The following MIIP variants were observed in gnomAD, a reference collection of about 807,000 sequenced individuals.
MIIP encodes the protein migration and invasion-inhibitory protein.
A neutral mutation model predicts 44.8 loss-of-function variants in MIIP; 44 were observed. That is an observed-to-expected ratio of 0.98 (90% CI 0.77 to 1.26). The LOEUF is 1.26. Ranked by LOEUF, MIIP falls within the 50% of genes most tolerant of loss-of-function variation. The probability of loss-of-function intolerance (pLI) is 0.00; values close to 1 mark genes in which losing one functional copy is unlikely to be tolerated. For missense variants in MIIP, 496 were observed against 511.7 expected, an observed-to-expected ratio of 0.97 and a Z score of 0.30; for synonymous variants, 225 against 218.3, an observed-to-expected ratio of 1.03 and a Z score of -0.27.
At chr1:12,029,402 A>G in intron 6 of MIIP, 121 bp downstream of exon 6, 1 of 1,127,984 alleles carries the variant, frequency 8.9e-7, no homozygotes, top group Non-Finnish European at 1.3e-6. Flanking sequence ...AGATGTTGAG[A>G]CTCATGGAGG....
chr1:12,031,206 T>C, intron 8 of MIIP, 60 bp from the exon 9 acceptor site: 1 of 1,559,580 alleles, frequency 6.4e-7, no homozygotes, highest in Non-Finnish European at 8.7e-7. Flanking sequence ...GATGGGGGTG[T>C]GCCCAGTCAG....
rs1217877601 is a variant in MIIP, at chr1:12,019,552, G to GGTGA, written c.-83+4_-83+7dup. On this transcript the variant is annotated splice_region_variant and 5_prime_UTR_variant. It removes the in-frame stop codon of an upstream open reading frame in the 5' UTR. Coordinates refer to ENST00000235332, the MANE Select transcript of MIIP (RefSeq NM_021933.4). ...CGGCGCATGCTAGGGGATTCTGCCGGGTGAGTGCTGGGCGGCAGGACTGGG... is the reference window on the plus strand; with the variant it reads ...CGGCGCATGCTAGGGGATTCTGCCGGGTGAGTGAGTGCTGGGCGGCAGGACTGGG... 6.5e-6 allele frequency: 1 copy of GGTGA among 152,742 alleles called. No homozygotes were observed. Among genetic ancestry groups the GGTGA allele is most frequent in the African/African-American group, 2.4e-5 (1 of 41,480 alleles). The allele number at this position is 152,742 out of a possible 1,614,324, so 9.5% of individuals were successfully genotyped here.
Position 12,022,261 on chromosome 1 carries a change from C to G in MIIP, c.281C>G (p.Ser94Cys), listed in dbSNP as rs780719276. 1 of 1,613,726 alleles carries G rather than the reference C, an allele frequency of 6.2e-7. No homozygotes were observed. The highest frequency in any genetic ancestry group is 8.5e-7 in the Non-Finnish European group (1 of 1,179,902). Residue 94 changes from serine to cysteine, a missense_variant, in exon 3 of 10, where the codon TCT (serine) becomes TGT (cysteine). Coordinates refer to ENST00000235332, the MANE Select transcript of MIIP (RefSeq NM_021933.4). ...GATGTGGCCAGATCGGGGGTGGCCT[C>G]TCTCCCACCTGCCAAATGCCAGCAC... ...LRDVARSGVASLPPAKCQHQE... is the reference protein window; with the variant it reads ...LRDVARSGVACLPPAKCQHQE...
Position 12,021,736 on chromosome 1 carries a change from G to A in MIIP, c.10G>A (p.Ala4Thr), listed in dbSNP as rs571035652. 19 of 1,612,384 alleles carry A rather than the reference G, an allele frequency of 1.2e-5. No individual in the cohort carries two copies. The highest frequency in any genetic ancestry group is 1.5e-5 in the Non-Finnish European group (18 of 1,179,794). The change falls in exon 2 of 10, where the codon GCT becomes ACT. Residue 4 changes from alanine to threonine, a missense_variant. Physicochemically the swap from Ala to Thr is moderately conservative, Grantham distance 58. Transcript: ENST00000235332. MVE[A>T]EELAQLRLLN... ...CTGAGAGAGGCCCAGGATGGTGGAG[G>A]CTGAGGAACTGGCACAGCTGCGGCT...
chr1:12,022,890 C>T lies in MIIP; in HGVS notation c.520C>T (p.Pro174Ser), dbSNP rs1640013707. 8 of 1,610,352 alleles carry T rather than the reference C, an allele frequency of 5.0e-6. No individual in the cohort carries two copies. The highest frequency in any genetic ancestry group is 6.8e-6 in the Non-Finnish European group (8 of 1,178,178). Reference sequence around the variant, plus strand: ...TCCTAAGAGGAGCTGGCGCCTCAGGCCATACCTGGGCTATGACTGGATTGC... The same window carrying T: ...TCCTAAGAGGAGCTGGCGCCTCAGGTCATACCTGGGCTATGACTGGATTGC... The part of the protein sequence containing the change: ...AVPKRSWRLR[P>S]YLGYDWIAGS... Residue 174 changes from proline to serine, a missense_variant, in exon 4 of 10, where the codon CCA becomes TCA. Pro to Ser is a moderately conservative substitution (Grantham distance 74). Transcript: ENST00000235332.
In MIIP at chr1:12,021,393, CA is replaced by C. The variant is rs778338153; in HGVS notation, c.-82-240del. On this transcript the variant is annotated intron_variant, in intron 1 of 9. Transcript: ENST00000235332. ...TGGGCGACAGAGCAAGACTCCATCT[CA>C]AAAAAAAAAAACAAAAAAACAAAAC... 1.3e-3 allele frequency among the ~76,000 whole-genome samples: 152 copies of C among 117,612 alleles called. 1 individual carries two copies. Among genetic ancestry groups the C allele is most frequent in the African/African-American group, 3.7e-3 (116 of 31,770 alleles). The allele number at this position is 117,612 out of a possible 152,430, so 77.2% of individuals were successfully genotyped here.
In MIIP at chr1:12,031,767, C is replaced by T; in HGVS notation, c.1126C>T (p.Pro376Ser). The change falls in exon 10 of 10, where the codon CCC becomes TCC. Residue 376 changes from proline (P) to serine (S), a missense_variant. Physicochemically the swap from Pro to Ser is moderately conservative, Grantham distance 74 (BLOSUM62 -1). Transcript: ENST00000235332. ...GCCCCCGACCCCGACCTGGTCAGTG[C>T]CCCAGGTCCCTCGGCCCCACGTCCC... The part of the protein sequence containing the change: ...MLPPTPTWSV[P>S]QVPRPHVPRQ... The T allele has an allele frequency of 1.2e-6, 2 of 1,613,982 alleles. No individual in the cohort carries two copies. The highest frequency in any genetic ancestry group is 8.5e-7 in the Non-Finnish European group (1 of 1,179,906).
At chr1:12,028,842 T>C in intron 4 of MIIP, 191 bp from the exon 5 acceptor site, 1 of 595,932 alleles carries the variant, frequency 1.7e-6, no homozygotes, top group Non-Finnish European at 3.0e-6. Context: ...TGCATCAGGG[T>C]AGACAGACAC....
chr1:12,031,859 C>A lies in MIIP; in HGVS notation c.*51C>A. 5 of 1,551,868 alleles carry A rather than the reference C, an allele frequency of 3.2e-6. No individual in the cohort carries two copies. Among genetic ancestry groups the A allele is most frequent in the Non-Finnish European group, 4.4e-6 (5 of 1,128,822 alleles). On this transcript the variant is annotated 3_prime_UTR_variant, in exon 10 of 10. Coordinates refer to ENST00000235332, the MANE Select transcript of MIIP (RefSeq NM_021933.4). The stretch of plus-strand genomic sequence containing the variant: ...ATTCCCGCCGCCTCCAGCCTCTCCC[C>A]TCTGGCAGGCGCACCCAGGAGATGG...
At chr1:12,030,824 C>T (rs1175686160) in intron 8 of MIIP, among the ~76,000 whole-genome samples, 1 of 150,862 alleles carries the variant, frequency 6.6e-6, no homozygotes, top group Admixed American at 6.6e-5. Context: ...GGATGGGGTG[C>T]CAGTGGCAAC....
chr1:12,029,789 G>A lies in MIIP; in HGVS notation c.740G>A (p.Arg247Gln), dbSNP rs374656152. ...HECVYCYRVN[R>Q]RLFPVPVDPG... ...GGCGTGTACTGTTACCGTGTCAACC[G>A]GCGCCTGTTCCCGGTGCCTGTGGAT... The change falls in exon 7 of 10, where the codon CGG becomes CAG. Residue 247 changes from arginine to glutamine, a missense_variant. Transcript: ENST00000235332. The A allele has an allele frequency of 7.6e-5, 123 of 1,613,194 alleles. No individual in the cohort carries two copies. The African/African-American group carries it at 1.2e-3, about 16-fold the overall frequency.
At chr1:12,029,729 C>G in intron 6 of MIIP, 36 bp from the exon 7 acceptor site, 1 of 1,592,484 alleles carries the variant, frequency 6.3e-7, no homozygotes, top group Non-Finnish European at 8.6e-7. Context: ...GGGTTCCTGG[C>G]TCAGGGAGAG....
rs1243731474 is a variant in MIIP at position 12,020,283 on chromosome 1, AAGG to A, written c.-83+736_-83+738del. Among the ~76,000 whole-genome samples the A allele has an allele frequency of 2.0e-5, 3 of 152,310 alleles. No individual in the cohort carries two copies. In the East Asian group the frequency reaches 5.8e-4, roughly 29 times the overall value. On this transcript the variant is annotated intron_variant, in intron 1 of 9. Transcript: ENST00000235332. ...AGTGAAGGAGGAAGGGAGGGCAGGA[AAGG>A]AGGAAGAATCCCTTTTGAAGCCTGA... is the stretch of plus-strand genomic sequence containing the variant.
chr1:12,019,746 C>T (rs1639929851), intron 1 of MIIP, among the ~76,000 whole-genome samples, 194 bp downstream of exon 1: 1 of 152,290 alleles, frequency 6.6e-6, no homozygotes, highest in Non-Finnish European at 1.5e-5. Flanking sequence ...TGGAGCGTCG[C>T]TTTCCCGGTG....
rs1003815437 is a variant in MIIP at position 12,022,094 on chromosome 1, G to A, written c.115-1G>A. 1 of 1,612,962 alleles carries A rather than the reference G, an allele frequency of 6.2e-7. No individual in the cohort carries two copies. On this transcript the variant is annotated splice_acceptor_variant, in intron 2 of 9. Transcript: ENST00000235332. LOFTEE classifies it high-confidence loss of function. ...CTGGGTGACCCGGCCCCTCTCTCCAGTCAAGCCTGGAATCCAGCAGCAGCT... is the reference window on the plus strand; with the variant it reads ...CTGGGTGACCCGGCCCCTCTCTCCAATCAAGCCTGGAATCCAGCAGCAGCT...
Position 12,021,843 on chromosome 1 carries a change from G to C in MIIP, c.114+3G>C, listed in dbSNP as rs1256221247. 3 of 1,598,720 alleles carry C rather than the reference G, an allele frequency of 1.9e-6. No homozygotes were observed. Among genetic ancestry groups the C allele is most frequent in the Non-Finnish European group, 2.6e-6 (3 of 1,173,298 alleles). ...CAGTGGCCAGGGCAGCCTCGGAGGTGCGTGCCCGCCTTGGGAACCCCAGAG... is the reference window on the plus strand; with the variant it reads ...CAGTGGCCAGGGCAGCCTCGGAGGTCCGTGCCCGCCTTGGGAACCCCAGAG... On this transcript the variant is annotated splice_donor_region_variant and intron_variant, in intron 2 of 9. Coordinates refer to ENST00000235332, the MANE Select transcript of MIIP (RefSeq NM_021933.4).
chr1:12,031,490 G>C (rs541318848), intron 9 of MIIP, 87 bp downstream of exon 9: 3 of 1,566,190 alleles, frequency 1.9e-6, no homozygotes, highest in East Asian at 2.3e-5. Context: ...GAGCCTCCTG[G>C]GGGGTAGGAT....
In MIIP at chr1:12,029,208, C is replaced by T. The variant is rs1256934627; in HGVS notation, c.657-15C>T. ...GCTCCATCCCCCGGCCTGCTCATCC[C>T]CCTCGCCCTCTCAGACCCCAGTTGC... is the stretch of plus-strand genomic sequence containing the variant. On this transcript the variant is annotated splice_polypyrimidine_tract_variant and intron_variant, in intron 5 of 9. Coordinates refer to ENST00000235332, the MANE Select transcript of MIIP (RefSeq NM_021933.4). 1 of 1,613,496 alleles carries T rather than the reference C, an allele frequency of 6.2e-7. No individual in the cohort carries two copies. Among genetic ancestry groups the T allele is most frequent in the Non-Finnish European group, 8.5e-7 (1 of 1,179,846 alleles).
At position 12,029,100 on chromosome 1, in the gene MIIP, T is replaced by C. The variant is rs561685206; in HGVS notation, c.615T>C (p.Phe205=). 1 of 1,614,102 alleles carries C rather than the reference T, an allele frequency of 6.2e-7. No homozygotes were observed. Among genetic ancestry groups the C allele is most frequent in the Admixed American group, 1.7e-5 (1 of 60,024 alleles). The change falls in exon 5 of 10, where the codon TTT becomes TTC. Residue 205 remains phenylalanine (F), a synonymous_variant. Transcript: ENST00000235332. ...PEAFFSKLQE[F]RETNKEECIC... ...CCTTCTTCTCCAAGCTGCAGGAGTT[T>C]CGGGAAACCAACAAGGAGGAGTGTA... is the stretch of plus-strand genomic sequence containing the variant.
Sources: gnomAD v4.1 joint callset for allele counts (sites outside exome capture counted in the v4.1 genomes callset) on GRCh38, gnomAD v4.1.1 for gene constraint, MANE v1.5 for transcripts, NCBI Gene and HGNC (gene_info 2026-07-23, HGNC 2026-07-21) for gene names.